PCDHGB1: variants seen among roughly 807,000 people sequenced by gnomAD.
PCDHGB1 encodes protocadherin gamma-B1.
Under a neutral mutation model 56.6 loss-of-function variants are expected in PCDHGB1, and 34 were observed. The observed-to-expected ratio is 0.60, with a 90% CI of 0.46 to 0.80. PCDHGB1 has a LOEUF of 0.80. Among genes scored for constraint, PCDHGB1 ranks in the 30% least tolerant of loss-of-function variants. PCDHGB1 has a pLI of 0.00. For missense variants in PCDHGB1, 1,278 were observed against 1,204.6 expected, an observed-to-expected ratio of 1.06 and a Z score of -0.90; for synonymous variants, 561 against 505.9, an observed-to-expected ratio of 1.11 and a Z score of -1.46.
At chr5:141,503,325 G>A (rs1002520312) in intron 2 of PCDHGB1, among the ~76,000 whole-genome samples, 10 of 152,104 alleles carry the variant, frequency 6.6e-5, no homozygotes, top group East Asian at 1.9e-4. Flanking sequence ...GGAGGGGCGC[G>A]GTGGCTCACG....
At chr5:141,386,329 GA>G (rs1445155662) in intron 1 of PCDHGB1, among the ~76,000 whole-genome samples, 4 of 152,150 alleles carry the variant, frequency 2.6e-5, no homozygotes, top group Non-Finnish European at 4.4e-5. Context: ...TTGTCATCCA[GA>G]AGGGGTGGAT....
At chr5:141,421,843 G>C (rs769652818) in intron 1 of PCDHGB1, 1 of 1,613,798 alleles carries the variant, frequency 6.2e-7, no homozygotes, top group Non-Finnish European at 8.5e-7. Context: ...CCGAGAGAAA[G>C]AGGCTGCTCA....
intron 1 of PCDHGB1, chr5:141,391,629 T>C (rs1048656119): frequency 6.6e-6 from 1 of 152,234 alleles, no homozygotes; most frequent in African/African-American, 2.4e-5. Flanking sequence ...AAGAAAGTTT[T>C]AGTCAGTGAA....
At chr5:141,404,169 C>G in intron 1 of PCDHGB1, 4 of 1,612,736 alleles carry the variant, frequency 2.5e-6, no homozygotes, top group Non-Finnish European at 3.4e-6. Flanking sequence ...AGATTGTTGA[C>G]GGCCCAAATT....
chr5:141,505,434 A>C lies in PCDHGB1; in HGVS notation c.2510A>C (p.Gln837Pro), dbSNP rs1417754900. 1 of 1,614,198 alleles carries C rather than the reference A, an allele frequency of 6.2e-7. No homozygotes were observed. The highest frequency in any genetic ancestry group is 1.7e-5 in the Admixed American group (1 of 60,032). The change falls in exon 3 of 4, where the codon CAG (glutamine) becomes CCG (proline). Residue 837 changes from glutamine (Q) to proline (P), a missense_variant. Gln to Pro is a moderately conservative substitution (Grantham distance 76). Coordinates refer to ENST00000523390, the MANE Select transcript of PCDHGB1 (RefSeq NM_018922.3). ...GACACCGGCACCTGGCCCAACAACCAGTTTGACACAGAGATGCTGCAAGCC... is the reference window on the plus strand; with the variant it reads ...GACACCGGCACCTGGCCCAACAACCCGTTTGACACAGAGATGCTGCAAGCC... ...GDDTGTWPNN[Q>P]FDTEMLQAMI...
At position 141,362,803 on chromosome 5, in the gene PCDHGB1, A is replaced by G. The variant is rs148727944; in HGVS notation, c.2409+10134A>G. On this transcript the variant is annotated intron_variant, in intron 1 of 3. Transcript: ENST00000523390. ...ATTTCTTTTTCTTCCTCATCTTTACATTACTTCTCTCTGCAGATTTGTTGC... is the reference window on the plus strand; with the variant it reads ...ATTTCTTTTTCTTCCTCATCTTTACGTTACTTCTCTCTGCAGATTTGTTGC... 1.0e-3 allele frequency among the ~76,000 whole-genome samples: 152 copies of G among 152,282 alleles called. 1 individual carries two copies. The highest frequency in any genetic ancestry group is 3.3e-3 in the African/African-American group (137 of 41,538).
intron 1 of PCDHGB1, chr5:141,375,116 C>T (rs754682469): frequency 3.7e-6 from 6 of 1,613,886 alleles, no homozygotes; most frequent in Non-Finnish European, 4.2e-6. Flanking sequence ...TGATAATGTA[C>T]CAGAAGTGGT....
intron 1 of PCDHGB1, among the ~76,000 whole-genome samples, chr5:141,437,339 T>A (rs1008090968): frequency 3.3e-5 from 5 of 152,262 alleles, no homozygotes; most frequent in Non-Finnish European, 7.3e-5. Context: ...GTAGCTTCAC[T>A]GTTTTATAGT....
chr5:141,351,142 T>G lies in PCDHGB1; in HGVS notation c.882T>G (p.Thr294=), dbSNP rs1758655977. ...GCCTCTTCAATCTCAATCCAAATAC[T>G]GGCGACATCACAACCAATGGCACAT... ...STSLFNLNPN[T]GDITTNGTLD... The change falls in exon 1 of 4, where the codon ACT becomes ACG. Residue 294 remains threonine, a synonymous_variant. Coordinates refer to ENST00000523390, the MANE Select transcript of PCDHGB1 (RefSeq NM_018922.3). 1 of 1,614,016 alleles carries G rather than the reference T, an allele frequency of 6.2e-7. No homozygotes were observed. Among genetic ancestry groups the G allele is most frequent in the Non-Finnish European group, 8.5e-7 (1 of 1,179,902 alleles).
chr5:141,478,563 C>A, intron 1 of PCDHGB1: 2 of 1,596,270 alleles, frequency 1.3e-6, no homozygotes, highest in South Asian at 1.1e-5. Context: ...TTTAGCAAGT[C>A]ATGCTTGACC....
chr5:141,409,577 G>A, intron 1 of PCDHGB1: 1 of 1,613,920 alleles, frequency 6.2e-7, no homozygotes, highest in South Asian at 1.1e-5. Context: ...GTCCTACGTG[G>A]TCCACGTGGC....
In PCDHGB1 at chr5:141,511,098, T is replaced by G; in HGVS notation, c.2709T>G (p.Ala903=). 6.2e-7 allele frequency: 1 copy of G among 1,614,132 alleles called. No individual in the cohort carries two copies. The highest frequency in any genetic ancestry group is 8.5e-7 in the Non-Finnish European group (1 of 1,179,996). ...PGSNATLTNA[A]GKRDGKAPAG... is the part of the protein sequence containing the mutation. The stretch of plus-strand genomic sequence containing the variant: ...GCAATGCCACACTGACCAACGCAGC[T>G]GGCAAGCGGGATGGCAAGGCCCCAG... Residue 903 remains alanine, a synonymous_variant, in exon 4 of 4, where the codon GCT becomes GCG. Transcript: ENST00000523390.
rs967436443 is a variant in PCDHGB1 at position 141,400,001 on chromosome 5, C to G, written c.2409+47332C>G. On this transcript the variant is annotated intron_variant, in intron 1 of 3. Transcript: ENST00000523390. ...CTGCGCACAGGAGAGGTGCGCACAG[C>G]GCGTGCCTTGGGCGACAGGGACGCG... 5.0e-6 allele frequency: 8 copies of G among 1,612,262 alleles called. No individual in the cohort carries two copies. In the Admixed American group the frequency reaches 5.0e-5, roughly 10 times the overall value.
At chr5:141,473,939 C>T (rs1301939679) in intron 1 of PCDHGB1, among the ~76,000 whole-genome samples, 2 of 152,068 alleles carry the variant, frequency 1.3e-5, no homozygotes, top group African/African-American at 2.4e-5. Context: ...TGCAGTAGCT[C>T]AGGCCTGTAG....
chr5:141,355,216 G>A (rs1237611423), intron 1 of PCDHGB1: 1 of 1,604,048 alleles, frequency 6.2e-7, no homozygotes, highest in Admixed American at 1.7e-5. Context: ...GGCGCCTCCT[G>A]CTCGCCCAGA....
rs553772792 is a variant in PCDHGB1, at chr5:141,444,542, G to A, written c.2410-50265G>A. ...AGGTGAGACAGTGACTGTGTCTAGT[G>A]AGCAAAAGGCACTTATTTGACACTT... On this transcript the variant is annotated intron_variant, in intron 1 of 3. Coordinates refer to ENST00000523390, the MANE Select transcript of PCDHGB1 (RefSeq NM_018922.3). 3.3e-5 allele frequency among the ~76,000 whole-genome samples: 5 copies of A among 152,156 alleles called. No individual in the cohort carries two copies. The East Asian group carries it at 7.7e-4, about 24-fold the overall frequency.
intron 1 of PCDHGB1, chr5:141,478,531 C>T (rs771145308): frequency 1.9e-6 from 3 of 1,608,190 alleles, no homozygotes; most frequent in Non-Finnish European, 2.5e-6. Flanking sequence ...GTGCAGAGAG[C>T]GCCCCTCCCG....
In PCDHGB1 at chr5:141,351,460, G is replaced by C; in HGVS notation, c.1200G>C (p.Leu400=). The change falls in exon 1 of 4, where the codon CTG becomes CTC. Residue 400 remains leucine (L), a synonymous_variant. Coordinates refer to ENST00000523390, the MANE Select transcript of PCDHGB1 (RefSeq NM_018922.3). The part of the protein sequence containing the change: ...LESTSKNYYK[L]VIAGALNREQ... ...CCACCTCGAAGAATTATTACAAGCTGGTGATTGCTGGAGCCCTAAACCGGG... is the reference window on the plus strand; with the variant it reads ...CCACCTCGAAGAATTATTACAAGCTCGTGATTGCTGGAGCCCTAAACCGGG... 1 of 1,613,528 alleles carries C rather than the reference G, an allele frequency of 6.2e-7. No individual in the cohort carries two copies. The highest frequency in any genetic ancestry group is 1.1e-5 in the South Asian group (1 of 91,038).
intron 1 of PCDHGB1, among the ~76,000 whole-genome samples, chr5:141,456,105 G>T (rs2098843517): frequency 6.6e-6 from 1 of 151,978 alleles, no homozygotes; most frequent in Non-Finnish European, 1.5e-5. Context: ...CACCGTGTTA[G>T]CCAGGATGGT....
Sources: allele counts gnomAD v4.1 joint callset (sites outside exome capture counted in the v4.1 genomes callset), GRCh38; gene constraint gnomAD v4.1.1; transcripts MANE v1.5; gene names NCBI Gene and HGNC (gene_info 2026-07-23, HGNC 2026-07-21).